The following DMD variants were observed in gnomAD, a reference collection of about 807,000 sequenced individuals.
DMD encodes the protein mutant dystrophin.
DMD carries 63 observed loss-of-function variants against 330.1 expected under a neutral mutation model. The observed-to-expected ratio is 0.19, with a 90% CI of 0.16 to 0.24. The LOEUF is 0.24. DMD is among the 10% of genes least tolerant of loss of function. The probability of loss-of-function intolerance (pLI) is 1.00; values close to 1 mark genes in which losing one functional copy is unlikely to be tolerated. For synonymous variants in DMD, 1,223 were observed against 959.8 expected (o/e 1.27, Z -5.07); for missense variants, 3,344 against 2,684.1 (o/e 1.25, Z -5.43).
At chrX:31,286,032 T>G (rs1020707649) in intron 62 of DMD, among the ~76,000 whole-genome samples, 5 of 111,839 alleles carry the variant, frequency 4.5e-5, no homozygotes, top group Non-Finnish European at 7.5e-5. Context: ...ATAAGCTAAG[T>G]TTTTTCACCT....
intron 44 of DMD, among the ~76,000 whole-genome samples, chrX:32,091,308 T>C (rs1255846191): frequency 8.9e-6 from 1 of 111,955 alleles, no homozygotes; most frequent in African/African-American, 3.2e-5. Flanking sequence ...TCCAGATACA[T>C]AGAAACTTAT....
chrX:32,667,364 T>C (rs987235633), intron 9 of DMD, among the ~76,000 whole-genome samples: 6 of 112,103 alleles, frequency 5.4e-5, no homozygotes, highest in African/African-American at 1.6e-4. Context: ...ATAAATTATA[T>C]TGAACAAAAA....
intron 2 of DMD, among the ~76,000 whole-genome samples, chrX:32,993,256 G>C (rs1193841013): frequency 8.9e-6 from 1 of 112,087 alleles, no homozygotes; most frequent in East Asian, 2.8e-4. Flanking sequence ...TATAGGTCAA[G>C]ACATTTGTGA....
chrX:31,325,032 C>T (rs747548136), intron 61 of DMD, among the ~76,000 whole-genome samples: 2 of 111,777 alleles, frequency 1.8e-5, no homozygotes, highest in Non-Finnish European at 3.8e-5. Flanking sequence ...TGTATTTGGC[C>T]GGTAATTATG....
intron 5 of DMD, among the ~76,000 whole-genome samples, chrX:32,819,815 C>A: frequency 1.0e-5 from 1 of 98,063 alleles, no homozygotes; most frequent in Non-Finnish European, 2.0e-5. Flanking sequence ...GGGCTTCTAC[C>A]ATTTAATAGG....
chrX:31,381,134 T>C (rs2060157561), intron 60 of DMD, among the ~76,000 whole-genome samples: 1 of 111,040 alleles, frequency 9.0e-6, no homozygotes, highest in African/African-American at 3.3e-5. Flanking sequence ...ACCCCATAGA[T>C]CCTAAATCCT....
intron 76 of DMD, among the ~76,000 whole-genome samples, chrX:31,143,995 G>T (rs1190710541): frequency 8.9e-6 from 1 of 112,054 alleles, no homozygotes; most frequent in Non-Finnish European, 1.9e-5. Context: ...GCTATATTCA[G>T]ATCTCAGGTG....
intron 11 of DMD, among the ~76,000 whole-genome samples, chrX:32,631,083 G>A (rs779380341): frequency 1.8e-5 from 2 of 112,199 alleles, no homozygotes; most frequent in South Asian, 7.5e-4. Context: ...GACTCTTGCA[G>A]ACTGTTAAAC....
intron 11 of DMD, among the ~76,000 whole-genome samples, chrX:32,621,118 G>A (rs777837900): frequency 2.7e-5 from 3 of 110,974 alleles, no homozygotes; most frequent in Non-Finnish European, 3.8e-5. Context: ...TGAAATGAGA[G>A]CAATTGAATT....
chrX:31,844,615 G>T (rs2093379346), intron 48 of DMD, among the ~76,000 whole-genome samples: 1 of 111,750 alleles, frequency 8.9e-6, no homozygotes, highest in Non-Finnish European at 1.9e-5. Context: ...ATTGCTTTAA[G>T]CAGTATGTCC....
At chrX:33,044,476 C>T (rs1258735060) in intron 1 of DMD, among the ~76,000 whole-genome samples, 1 of 111,512 alleles carries the variant, frequency 9.0e-6, no homozygotes, top group Non-Finnish European at 1.9e-5. Context: ...AAAAGCAAGC[C>T]CCAGCAGTTC....
intron 50 of DMD, among the ~76,000 whole-genome samples, chrX:31,788,541 A>T (rs1351075823): frequency 9.0e-6 from 1 of 111,586 alleles, no homozygotes; most frequent in Non-Finnish European, 1.9e-5. Flanking sequence ...AAGAATGTAT[A>T]TTCTCCTGCT....
intron 44 of DMD, among the ~76,000 whole-genome samples, chrX:32,163,505 G>C (rs1489649058): frequency 8.9e-6 from 1 of 111,848 alleles, no homozygotes; most frequent in African/African-American, 3.3e-5. Context: ...AGATTGGATG[G>C]GTGTGACAAT....
At position 32,454,789 on chromosome X, in the gene DMD, G is replaced by T; in HGVS notation, c.3476C>A (p.Thr1159Asn). The change falls in exon 26 of 79, where the codon ACT becomes AAT. Residue 1159 changes from threonine (T) to asparagine (N), a missense_variant. Coordinates refer to ENST00000357033, the MANE Select transcript of DMD (RefSeq NM_004006.3). ...TGATAGATCTTTCTGGAGGCTTACA[G>T]TTTTCTCCAAACCTCCCTTCAAGGC... ...KEALKGGLEKTVSLQKDLSEM... is the reference protein window; with the variant it reads ...KEALKGGLEKNVSLQKDLSEM... 1 of 1,207,303 alleles carries T rather than the reference G, an allele frequency of 8.3e-7. No individual in the cohort carries two copies. The highest frequency in any genetic ancestry group is 1.7e-5 in the African/African-American group (1 of 57,360).
At chrX:33,139,985 A>C (rs1349256210) in intron 1 of DMD, among the ~76,000 whole-genome samples, 1 of 110,585 alleles carries the variant, frequency 9.0e-6, no homozygotes, top group African/African-American at 3.3e-5. Flanking sequence ...TCCTTTGCCG[A>C]TCAGCTTTAA....
chrX:32,670,541 C>A (rs927872670), intron 9 of DMD, among the ~76,000 whole-genome samples: 3 of 111,315 alleles, frequency 2.7e-5, no homozygotes, highest in African/African-American at 9.8e-5. Flanking sequence ...ATAAATATTG[C>A]CATTCAAGTA....
intron 48 of DMD, among the ~76,000 whole-genome samples, chrX:31,845,029 C>CATAT (rs755920510): frequency 7.7e-5 from 7 of 90,642 alleles, no homozygotes; most frequent in Admixed American, 1.2e-4. Flanking sequence ...TATGTGTATA[C>CATAT]ATATATATAT....
At chrX:32,981,200 C>T (rs1200532727) in intron 2 of DMD, among the ~76,000 whole-genome samples, 5 of 111,800 alleles carry the variant, frequency 4.5e-5, no homozygotes, top group Admixed American at 2.9e-4. Context: ...GTCTCATTTT[C>T]AATATTCTTT....
intron 38 of DMD, among the ~76,000 whole-genome samples, chrX:32,346,865 C>T (rs1293806749): frequency 9.0e-6 from 1 of 111,385 alleles, no homozygotes; most frequent in East Asian, 2.8e-4. Context: ...CATATATGAC[C>T]ATGTGATTTT....
Sources: gnomAD v4.1 joint callset for allele counts (sites outside exome capture counted in the v4.1 genomes callset) on GRCh38, gnomAD v4.1.1 for gene constraint, MANE v1.5 for transcripts, NCBI Gene and HGNC (gene_info 2026-07-23, HGNC 2026-07-21) for gene names.